The following CFAP47 variants were observed in gnomAD, a reference collection of about 807,000 sequenced individuals.
CFAP47 encodes the protein cilia and flagella associated protein 47.
In CFAP47, 29 loss-of-function variants were observed where a neutral mutation model predicts 148.1. That is an observed-to-expected ratio of 0.20 (90% confidence interval 0.15 to 0.27). The LOEUF (loss-of-function observed/expected upper bound fraction) is 0.27, where lower values mean the gene tolerates loss of function less well. CFAP47 is among the 10% of genes least tolerant of loss of function. CFAP47 has a pLI of 1.00. For missense variants in CFAP47, 1,872 were observed against 1,697.5 expected (o/e 1.10, Z -1.81); for synonymous variants, 664 against 577.3 (o/e 1.15, Z -2.15).
chrX:35,974,477 C>T (rs1324959897), intron 13 of CFAP47, among the ~76,000 whole-genome samples: 1 of 110,772 alleles, frequency 9.0e-6, no homozygotes, highest in African/African-American at 3.3e-5. Flanking sequence ...GATTCTCTCT[C>T]TAGGGGGGAA....
At chrX:36,143,346 C>G (rs1939176531) in intron 35 of CFAP47, among the ~76,000 whole-genome samples, 1 of 111,844 alleles carries the variant, frequency 8.9e-6, no homozygotes, top group Admixed American at 9.5e-5. Context: ...GTGGGGTTGT[C>G]ATCATTCTCT....
intron 25 of CFAP47, among the ~76,000 whole-genome samples, chrX:36,040,636 T>C (rs1000304304): frequency 1.8e-5 from 2 of 111,030 alleles, no homozygotes; most frequent in Admixed American, 9.6e-5. Flanking sequence ...TAAAAGTCAA[T>C]AAAGAAAAGA....
chrX:36,291,628 CA>C (rs58205535), intron 51 of CFAP47, among the ~76,000 whole-genome samples: 157 of 94,862 alleles, frequency 1.7e-3, no homozygotes, highest in East Asian at 2.0e-3. Flanking sequence ...ACCTGACATG[CA>C]AAAAAAAAAA....
At chrX:36,123,297 T>A (rs1414163811) in intron 33 of CFAP47, among the ~76,000 whole-genome samples, 2 of 111,914 alleles carry the variant, frequency 1.8e-5, no homozygotes, top group Non-Finnish European at 3.8e-5. Flanking sequence ...AGCTACTGCT[T>A]GTGTTTGCTC....
At chrX:36,149,538 A>G (rs1486610821) in intron 37 of CFAP47, among the ~76,000 whole-genome samples, 7 of 110,123 alleles carry the variant, frequency 6.4e-5, no homozygotes, top group Non-Finnish European at 1.3e-4. Flanking sequence ...AACTGAAACC[A>G]GTGCATTCTA....
intron 21 of CFAP47, among the ~76,000 whole-genome samples, chrX:36,003,582 T>A (rs5973559): frequency 0.25 from 26,539 of 107,995 alleles, 4,843 homozygotes; most frequent in African/African-American, 0.6. Flanking sequence ...CATTTTTTTT[T>A]AAAAAATATT....
chrX:36,177,518 G>C (rs1939699269), intron 39 of CFAP47, among the ~76,000 whole-genome samples: 1 of 111,960 alleles, frequency 8.9e-6, no homozygotes, highest in African/African-American at 3.2e-5. Flanking sequence ...TCTCTGGAGA[G>C]GAATTCTTCT....
intron 15 of CFAP47, among the ~76,000 whole-genome samples, chrX:35,976,893 G>T (rs1936579105): frequency 9.0e-6 from 1 of 111,350 alleles, no homozygotes; most frequent in South Asian, 3.8e-4. Flanking sequence ...TCTTAACCTT[G>T]TTTCTGCCAT....
intron 45 of CFAP47, among the ~76,000 whole-genome samples, chrX:36,210,083 C>A (rs1341855002): frequency 8.9e-6 from 1 of 112,241 alleles, no homozygotes; most frequent in Non-Finnish European, 1.9e-5. Flanking sequence ...CTATGCCCTA[C>A]TTTGTTTATC....
rs531986796 is a variant in CFAP47 at position 36,001,579 on chromosome X, G to T, written c.3323-34G>T. 6 of 289,266 alleles carry T rather than the reference G, an allele frequency of 2.1e-5. No individual in the cohort carries two copies. The East Asian group carries it at 2.4e-4, about 12-fold the overall frequency. The allele number at this position is 289,266 out of a possible 1,213,427, so 23.8% of individuals were successfully genotyped here. On this transcript the variant is annotated intron_variant, in intron 20 of 63. Coordinates refer to ENST00000378653, the MANE Select transcript of CFAP47 (RefSeq NM_001304548.2). The stretch of plus-strand genomic sequence containing the variant: ...ATATTTTAGAAATTGATTTTTGATT[G>T]TTATGAATATGTGTACTTTTTCACC...
At chrX:36,353,026 C>A (rs139884564) in intron 59 of CFAP47, among the ~76,000 whole-genome samples, 1 of 109,573 alleles carries the variant, frequency 9.1e-6, no homozygotes, top group African/African-American at 3.3e-5. Context: ...CATGTAAAAA[C>A]GTAATGAATC....
Position 36,379,348 on chromosome X carries a change from A to G in CFAP47, c.9186-2A>G, listed in dbSNP as rs1556023629. ...AAGTTGAATTTTGTACTTTTGTTCCAGAAATCCTGAGCCGTTCACCGCACA... is the reference window on the plus strand; with the variant it reads ...AAGTTGAATTTTGTACTTTTGTTCCGGAAATCCTGAGCCGTTCACCGCACA... On this transcript the variant is annotated splice_acceptor_variant, in intron 62 of 63. Transcript: ENST00000378653. LOFTEE classifies it high-confidence loss of function. 1 of 1,165,989 alleles carries G rather than the reference A, an allele frequency of 8.6e-7. No individual in the cohort carries two copies.
chrX:35,985,802 TG>T (rs1322887438), intron 15 of CFAP47: 1 of 214,833 alleles, frequency 4.7e-6, no homozygotes, highest in Non-Finnish European at 9.1e-6. Context: ...CCTTGGAGTG[TG>T]GGGATCCCAA....
chrX:36,246,254 G>T (rs1239911477), intron 48 of CFAP47, among the ~76,000 whole-genome samples: 1 of 111,464 alleles, frequency 9.0e-6, no homozygotes, highest in Non-Finnish European at 1.9e-5. Flanking sequence ...TGCACAGGAC[G>T]TGAATAAACC....
rs747154292 is a variant in CFAP47 at position 36,132,787 on chromosome X, G to C, written c.5321-5171G>C. The stretch of plus-strand genomic sequence containing the variant: ...TGAGAGCCTTGTTTGAACAGCTACG[G>C]CCCATGCCTACTGGTATTCAACAAG... On this transcript the variant is annotated intron_variant, in intron 33 of 63. Coordinates refer to ENST00000378653, the MANE Select transcript of CFAP47 (RefSeq NM_001304548.2). Among the ~76,000 whole-genome samples the C allele has an allele frequency of 1.0e-3, 112 of 111,701 alleles. 1 individual carries two copies. Among genetic ancestry groups the C allele is most frequent in the African/African-American group, 3.5e-3 (108 of 30,899 alleles).
At chrX:36,359,782 G>A (rs192112539) in intron 60 of CFAP47, among the ~76,000 whole-genome samples, 19 of 110,868 alleles carry the variant, frequency 1.7e-4, no homozygotes, top group African/African-American at 6.2e-4. Context: ...ACGGAATCTC[G>A]CTCTGTCACC....
intron 45 of CFAP47, among the ~76,000 whole-genome samples, chrX:36,227,411 A>G (rs1225258333): frequency 8.9e-6 from 1 of 111,995 alleles, no homozygotes; most frequent in Non-Finnish European, 1.9e-5. Context: ...GACATGGAAT[A>G]TATGCTATAT....
At position 35,957,776 on chromosome X, in the gene CFAP47, G is replaced by A. The variant is rs972563524; in HGVS notation, c.1410+1580G>A. 4.5e-5 allele frequency among the ~76,000 whole-genome samples: 5 copies of A among 112,022 alleles called. No homozygotes were observed. The South Asian group carries it at 1.1e-3, about 25-fold the overall frequency. ...ATAATTTTCAAATTAGTAAAAATGCGAATGTAAGAAGTATAGTAGACACTG... is the reference window on the plus strand; with the variant it reads ...ATAATTTTCAAATTAGTAAAAATGCAAATGTAAGAAGTATAGTAGACACTG... On this transcript the variant is annotated intron_variant, in intron 8 of 63. Transcript: ENST00000378653.
At chrX:36,301,046 A>G (rs1556007726) in intron 52 of CFAP47, 26 bp from the exon 53 acceptor site, 2 of 984,982 alleles carry the variant, frequency 2.0e-6, no homozygotes, top group South Asian at 4.2e-5. Flanking sequence ...ACTGCTGACA[A>G]AATTTTGTGT....
Sources: gnomAD v4.1 joint callset for allele counts (sites outside exome capture counted in the v4.1 genomes callset) on GRCh38, gnomAD v4.1.1 for gene constraint, MANE v1.5 for transcripts, NCBI Gene and HGNC (gene_info 2026-07-23, HGNC 2026-07-21) for gene names.